Variants in PPIL3 observed in about 807,000 individuals in gnomAD.
PPIL3 encodes the protein peptidyl-prolyl cis-trans isomerase-like 3.
Under a neutral mutation model 20.9 loss-of-function variants are expected in PPIL3, and 13 were observed. That is an observed-to-expected ratio of 0.62 (90% CI 0.40 to 0.99). PPIL3 has a LOEUF of 0.99. PPIL3 is among the 50% of genes least tolerant of loss of function. PPIL3 has a pLI of 0.00. For missense variants in PPIL3, 170 were observed against 195.2 expected, an observed-to-expected ratio of 0.87 and a Z score of 0.77; for synonymous variants, 71 against 64.4, an observed-to-expected ratio of 1.10 and a Z score of -0.49.
At chr2:200,887,886 G>A (rs954941029) in intron 1 of PPIL3, among the ~76,000 whole-genome samples, 1 of 151,608 alleles carries the variant, frequency 6.6e-6, no homozygotes, top group East Asian at 1.9e-4. Context: ...GCGAAACCCC[G>A]TCTCTACTAA....
intron 2 of PPIL3, among the ~76,000 whole-genome samples, chr2:200,886,680 C>T (rs1441119470): frequency 6.6e-6 from 1 of 152,166 alleles, no homozygotes; most frequent in African/African-American, 2.4e-5. Flanking sequence ...CCCACCTCTG[C>T]CTCCCAAAGT....
rs577249479 is a variant in PPIL3, at chr2:200,874,889, G to A, written c.359+2030C>T. Among the ~76,000 whole-genome samples, 99 of 152,204 alleles carry A rather than the reference G, an allele frequency of 6.5e-4. No homozygotes were observed. In the South Asian group the frequency reaches 0.021, roughly 32 times the overall value. On this transcript the variant is annotated intron_variant, in intron 6 of 6. Coordinates refer to ENST00000392283, the MANE Select transcript of PPIL3 (RefSeq NM_130906.3). Reference sequence around the variant, plus strand: ...ACCATAGGTGTGAGCCACCACACCTGGATAATTTTTAAATTTTTTTGTAGA... The same window carrying A: ...ACCATAGGTGTGAGCCACCACACCTAGATAATTTTTAAATTTTTTTGTAGA...
At chr2:200,887,783 G>A (rs533133772) in intron 1 of PPIL3, 98 bp from the exon 2 acceptor site, 414 of 495,374 alleles carry the variant, frequency 8.4e-4, no homozygotes, top group Non-Finnish European at 1.1e-3. Context: ...CTCGCCGGGC[G>A]TGGTGGCTCA....
intron 2 of PPIL3, among the ~76,000 whole-genome samples, 162 bp downstream of exon 2, chr2:200,887,451 T>C (rs1470869592): frequency 1.3e-5 from 2 of 152,016 alleles, no homozygotes; most frequent in Non-Finnish European, 2.9e-5. Context: ...TTAAAGCAAT[T>C]TTGTGTATTT....
intron 5 of PPIL3, chr2:200,877,350 T>C (rs1473561778): frequency 1.4e-5 from 3 of 218,668 alleles, no homozygotes; most frequent in African/African-American, 6.8e-5. Flanking sequence ...AAATGTTCAG[T>C]TTCTGCCTTT....
rs2039852593 is a variant in PPIL3, at chr2:200,884,377, G to A, written c.78+1321C>T. ...AGATTGGGCCACTGCACTCCAGCCT[G>A]GGCAACAAGAGCAAAACTCTGTCTC... On this transcript the variant is annotated intron_variant, in intron 3 of 6. Coordinates refer to ENST00000392283, the MANE Select transcript of PPIL3 (RefSeq NM_130906.3). 3.3e-5 allele frequency among the ~76,000 whole-genome samples: 5 copies of A among 152,176 alleles called. No homozygotes were observed. In the South Asian group the frequency reaches 1.0e-3, roughly 32 times the overall value.
Position 200,871,093 on chromosome 2 carries a change from T to A in PPIL3, c.*302A>T. The A allele has an allele frequency of 5.2e-6, 1 of 193,410 alleles. No homozygotes were observed. Among genetic ancestry groups the A allele is most frequent in the Admixed American group, 5.8e-5 (1 of 17,276 alleles). The allele number at this position is 193,410 out of a possible 1,614,324, so 12.0% of individuals were successfully genotyped here. A position where few individuals can be genotyped will look rare whatever the true frequency, so the allele number is the denominator to read the frequency against. ...TGGGAGGAATATGTAATCAGGCCAC[T>A]CAAAAATGCCTGCACTTGAGGCTGA... On this transcript the variant is annotated 3_prime_UTR_variant, in exon 7 of 7. Transcript: ENST00000392283.
At chr2:200,878,557 T>A (rs757821614) in intron 5 of PPIL3, among the ~76,000 whole-genome samples, 1 of 152,028 alleles carries the variant, frequency 6.6e-6, no homozygotes, top group Non-Finnish European at 1.5e-5. Context: ...ACCTGGCTAA[T>A]TTTTTAACTT....
chr2:200,875,381 C>T (rs958741130), intron 6 of PPIL3, among the ~76,000 whole-genome samples: 1 of 152,028 alleles, frequency 6.6e-6, no homozygotes, highest in East Asian at 1.9e-4. Flanking sequence ...CATTCTCCTG[C>T]CTCAGCTTCC....
chr2:200,879,378 C>G (rs973933838), intron 5 of PPIL3, among the ~76,000 whole-genome samples: 1 of 152,040 alleles, frequency 6.6e-6, no homozygotes, highest in Non-Finnish European at 1.5e-5. Context: ...CTCGGCCTCC[C>G]AAAGTGCTGG....
intron 1 of PPIL3, chr2:200,888,508 A>C (rs2124857949): frequency 5.3e-6 from 1 of 188,524 alleles, no homozygotes; most frequent in African/African-American, 2.4e-5. Context: ...TCACTAATAT[A>C]CTATGAACTT....
At position 200,881,432 on chromosome 2, in the gene PPIL3, C is replaced by A; in HGVS notation, c.229G>T (p.Glu77Ter). Reference protein sequence around the residue: ...WGKKFEDEYSEYLKHNVRGVV... With the variant: ...WGKKFEDEYS The stretch of plus-strand genomic sequence containing the variant: ...CATTGAGGATTTACCTTAAGATATT[C>A]ACTGTATTCATCCTCAAACTTCTTG... The change falls in exon 5 of 7, where the codon GAA becomes TAA. Residue 77 changes from glutamate (E) to a stop codon, truncating the protein, a stop_gained. Transcript: ENST00000392283. LOFTEE classifies it high-confidence loss of function. 1 of 1,612,390 alleles carries A rather than the reference C, an allele frequency of 6.2e-7. No individual in the cohort carries two copies. The highest frequency in any genetic ancestry group is 1.1e-5 in the South Asian group (1 of 90,808).
intron 6 of PPIL3, among the ~76,000 whole-genome samples, chr2:200,875,504 G>A (rs1031835140): frequency 3.3e-5 from 5 of 151,926 alleles, no homozygotes; most frequent in African/African-American, 7.3e-5. Context: ...CTGACCTCAT[G>A]ATCTGCCCTC....
intron 2 of PPIL3, 127 bp from the exon 3 acceptor site, chr2:200,885,899 G>A (rs980790048): frequency 1.7e-6 from 1 of 572,454 alleles, no homozygotes; most frequent in Non-Finnish European, 3.0e-6. Context: ...CTGCTTCAGA[G>A]ATGACCCATC....
chr2:200,884,087 G>A (rs556035749), intron 3 of PPIL3, among the ~76,000 whole-genome samples: 13 of 152,178 alleles, frequency 8.5e-5, no homozygotes, highest in Non-Finnish European at 1.6e-4. Context: ...ATATACAGGT[G>A]ACTCTTCTTC....
chr2:200,873,149 G>A lies in PPIL3; in HGVS notation c.360-1628C>T, dbSNP rs773066253. On this transcript the variant is annotated intron_variant, in intron 6 of 6. Coordinates refer to ENST00000392283, the MANE Select transcript of PPIL3 (RefSeq NM_130906.3). ...TCCCAAAGTGTTGGGATTCAGGCAT[G>A]AGCCACCAAGCCCAGCAGTTAATTG... 5.9e-4 allele frequency among the ~76,000 whole-genome samples: 89 copies of A among 151,500 alleles called. 1 individual carries two copies. The highest frequency in any genetic ancestry group is 2.4e-4 in the Non-Finnish European group (16 of 67,846).
intron 5 of PPIL3, among the ~76,000 whole-genome samples, chr2:200,878,311 C>T (rs1444148469): frequency 1.3e-5 from 2 of 151,856 alleles, no homozygotes; most frequent in Non-Finnish European, 2.9e-5. Context: ...TACATATATC[C>T]ATGTGCTCCT....
rs564509669 is a variant in PPIL3 at position 200,884,694 on chromosome 2, T to G, written c.78+1004A>C. 2.4e-3 allele frequency among the ~76,000 whole-genome samples: 364 copies of G among 151,976 alleles called. 1 individual carries two copies. Among genetic ancestry groups the G allele is most frequent in the African/African-American group, 8.1e-3 (335 of 41,432 alleles). ...GGTTGAGGCTGCAATGAGCCGTGAT[T>G]GCACCACTGCACTCCAGTCTGAGCG... On this transcript the variant is annotated intron_variant, in intron 3 of 6. Coordinates refer to ENST00000392283, the MANE Select transcript of PPIL3 (RefSeq NM_130906.3).
At chr2:200,878,257 T>G (rs1559338206) in intron 5 of PPIL3, among the ~76,000 whole-genome samples, 1 of 152,196 alleles carries the variant, frequency 6.6e-6, no homozygotes. Flanking sequence ...TACCAATTCA[T>G]TGAATAATGG....
Sources: gnomAD v4.1 joint callset for allele counts (sites outside exome capture counted in the v4.1 genomes callset) on GRCh38, gnomAD v4.1.1 for gene constraint, MANE v1.5 for transcripts, NCBI Gene and HGNC (gene_info 2026-07-23, HGNC 2026-07-21) for gene names.